DSCAM: variants seen among roughly 807,000 people sequenced by gnomAD.
DSCAM encodes the protein cell adhesion molecule DSCAM.
DSCAM carries 47 observed loss-of-function variants against 217.7 expected under a neutral mutation model. That is an observed-to-expected ratio of 0.22 (90% CI 0.17 to 0.28). DSCAM has a LOEUF of 0.28. Ranked by LOEUF, DSCAM falls within the 10% of genes least tolerant of loss-of-function variation. The pLI is 1.00. For synonymous variants in DSCAM, 1,056 were observed against 1,015.3 expected, an observed-to-expected ratio of 1.04 and a Z score of -0.76; for missense variants, 2,080 against 2,618.3, an observed-to-expected ratio of 0.79 and a Z score of 4.49.
At chr21:40,445,721 T>A (rs969407681) in intron 3 of DSCAM, among the ~76,000 whole-genome samples, 1 of 152,226 alleles carries the variant, frequency 6.6e-6, no homozygotes, top group African/African-American at 2.4e-5. Flanking sequence ...AACTGAACCC[T>A]TGCTCTGAAG....
rs185019587 is a variant in DSCAM at position 40,239,337 on chromosome 21, A to G, written c.2356+36760T>C. On this transcript the variant is annotated intron_variant, in intron 11 of 32. Transcript: ENST00000400454. Reference sequence around the variant, plus strand: ...TCTTAGGAAAAGGAAATAATAACCTATAACAACATTGCTTTAGATCACAAG... The same window carrying G: ...TCTTAGGAAAAGGAAATAATAACCTGTAACAACATTGCTTTAGATCACAAG... Among the ~76,000 whole-genome samples the G allele has an allele frequency of 2.8e-3, 433 of 152,362 alleles. 4 individuals are homozygous for G. Among genetic ancestry groups the G allele is most frequent in the Middle Eastern group, 0.027 (8 of 294 alleles).
intron 3 of DSCAM, among the ~76,000 whole-genome samples, chr21:40,456,520 A>G (rs1446056405): frequency 2.0e-5 from 3 of 152,156 alleles, no homozygotes; most frequent in Non-Finnish European, 4.4e-5. Flanking sequence ...TCTTCCTGAC[A>G]ATCAGAAAAA....
intron 3 of DSCAM, among the ~76,000 whole-genome samples, chr21:40,466,663 A>G (rs940365033): frequency 1.3e-5 from 2 of 152,186 alleles, no homozygotes; most frequent in Non-Finnish European, 2.9e-5. Context: ...CCTATGACAA[A>G]GAATCCCTTC....
intron 3 of DSCAM, among the ~76,000 whole-genome samples, chr21:40,623,634 C>T (rs865968579): frequency 6.6e-6 from 1 of 152,094 alleles, no homozygotes. Context: ...AAATATGGGG[C>T]CTGTGTGGGT....
chr21:40,195,837 T>C (rs1810615272), intron 11 of DSCAM, among the ~76,000 whole-genome samples: 1 of 152,052 alleles, frequency 6.6e-6, no homozygotes, highest in Non-Finnish European at 1.5e-5. Context: ...TTTAAACCAG[T>C]CCTCCCAAAT....
intron 1 of DSCAM, among the ~76,000 whole-genome samples, chr21:40,735,122 C>T (rs911120444): frequency 6.6e-6 from 1 of 152,226 alleles, no homozygotes; most frequent in Admixed American, 6.5e-5. Flanking sequence ...ATGTTATTTG[C>T]ATGTATCACA....
intron 3 of DSCAM, among the ~76,000 whole-genome samples, chr21:40,607,332 T>C (rs571432961): frequency 6.6e-6 from 1 of 151,820 alleles, no homozygotes; most frequent in African/African-American, 2.4e-5. Context: ...AAGAACATCA[T>C]ATATAAGAAA....
chr21:40,299,200 C>G (rs1601529282), intron 9 of DSCAM, among the ~76,000 whole-genome samples: 1 of 152,110 alleles, frequency 6.6e-6, no homozygotes, highest in South Asian at 2.1e-4. Flanking sequence ...TGGTCTTTGG[C>G]TGATATACCA....
chr21:40,074,835 C>T (rs116026513), intron 27 of DSCAM, among the ~76,000 whole-genome samples: 15 of 152,136 alleles, frequency 9.9e-5, no homozygotes, highest in East Asian at 7.7e-4. Flanking sequence ...GATTTCTGAC[C>T]GAGATAGGAA....
chr21:40,200,447 C>A lies in DSCAM; in HGVS notation c.2357-11209G>T, dbSNP rs559804429. Among the ~76,000 whole-genome samples the A allele has an allele frequency of 1.8e-4, 28 of 152,326 alleles. No homozygotes were observed. In the South Asian group the frequency reaches 5.8e-3, roughly 32 times the overall value. ...CTCATTTTACTTAGCATAATCTCCT[C>A]AAGGTTCAGTCAAGCTGTAGCCTGT... On this transcript the variant is annotated intron_variant, in intron 11 of 32. Coordinates refer to ENST00000400454, the MANE Select transcript of DSCAM (RefSeq NM_001389.5).
At chr21:40,057,898 T>G (rs1275823294) in intron 28 of DSCAM, among the ~76,000 whole-genome samples, 1 of 120,380 alleles carries the variant, frequency 8.3e-6, no homozygotes, top group African/African-American at 3.3e-5. Context: ...TTTTTTGAGA[T>G]GGACTCTTGC....
chr21:40,585,419 CAA>C (rs71186946), intron 3 of DSCAM, among the ~76,000 whole-genome samples: 29,874 of 85,018 alleles, frequency 0.35, 3,308 homozygotes, highest in East Asian at 0.41. Flanking sequence ...GACTCCGTCT[CAA>C]AAAAAAAAAA....
intron 9 of DSCAM, among the ~76,000 whole-genome samples, chr21:40,306,301 A>G (rs2074075745): frequency 6.7e-6 from 1 of 149,680 alleles, no homozygotes; most frequent in Non-Finnish European, 1.5e-5. Flanking sequence ...TTGTATCCTG[A>G]GACTTTGCTG....
At chr21:40,359,270 T>C (rs1001558108) in intron 4 of DSCAM, among the ~76,000 whole-genome samples, 3 of 152,216 alleles carry the variant, frequency 2.0e-5, no homozygotes, top group African/African-American at 7.2e-5. Context: ...GCAAAAATGC[T>C]TAAGAATGCC....
At chr21:40,481,692 A>G (rs533533096) in intron 3 of DSCAM, among the ~76,000 whole-genome samples, 10 of 152,300 alleles carry the variant, frequency 6.6e-5, no homozygotes, top group Admixed American at 3.3e-4. Context: ...TGATTTTTAA[A>G]GTTCATAATA....
chr21:40,079,401 C>A (rs1167022839), intron 25 of DSCAM, among the ~76,000 whole-genome samples: 3 of 152,152 alleles, frequency 2.0e-5, no homozygotes, highest in African/African-American at 7.2e-5. Flanking sequence ...GGTCTTGGTG[C>A]CCAGGGACCT....
intron 1 of DSCAM, among the ~76,000 whole-genome samples, chr21:40,738,365 C>T (rs951114876): frequency 6.6e-6 from 1 of 152,168 alleles, no homozygotes; most frequent in Non-Finnish European, 1.5e-5. Flanking sequence ...GTTCTGTAAC[C>T]ACTTAATTGT....
chr21:40,353,833 G>A lies in DSCAM; in HGVS notation c.656-90C>T, dbSNP rs138474691. The A allele has an allele frequency of 8.6e-5, 99 of 1,152,878 alleles. No homozygotes were observed. The East Asian group carries it at 1.5e-3, about 17-fold the overall frequency. 71.4% of individuals were successfully genotyped at this position (1,152,878 alleles called of 1,614,324 possible). On this transcript the variant is annotated intron_variant, in intron 4 of 32. Coordinates refer to ENST00000400454, the MANE Select transcript of DSCAM (RefSeq NM_001389.5). ...AGGACTTCATGTATAACTTAAATACGGTGCATCATACCAACTATTGATACA... is the reference window on the plus strand; with the variant it reads ...AGGACTTCATGTATAACTTAAATACAGTGCATCATACCAACTATTGATACA...
intron 27 of DSCAM, among the ~76,000 whole-genome samples, chr21:40,065,025 TAGAGA>T (rs986668550): frequency 4.4e-4 from 67 of 152,148 alleles, no homozygotes; most frequent in Non-Finnish European, 5.3e-4. Flanking sequence ...CTCTGGGCAT[TAGAGA>T]AGAGAGCCAG....
Sources: allele counts gnomAD v4.1 joint callset (sites outside exome capture counted in the v4.1 genomes callset), GRCh38; gene constraint gnomAD v4.1.1; transcripts MANE v1.5; gene names NCBI Gene and HGNC (gene_info 2026-07-23, HGNC 2026-07-21).